Variants in SIDT1 observed in about 807,000 individuals in gnomAD.
The protein encoded by SIDT1 is SID1 transmembrane family member 1.
In SIDT1, 101 loss-of-function variants were observed where a neutral mutation model predicts 107.5. The ratio of observed to expected loss-of-function variants is 0.94; its 90% confidence interval spans 0.80 to 1.11. SIDT1 has a LOEUF of 1.11. Among genes scored for constraint, SIDT1 ranks in the 50% least tolerant of loss-of-function variants. The pLI, the probability that SIDT1 is intolerant of heterozygous loss-of-function variation, is 0.00. For missense variants in SIDT1, 1,076 were observed against 1,058.2 expected (o/e 1.02, Z -0.23); for synonymous variants, 395 against 398.2 (o/e 0.99, Z 0.10).
rs182439975 is a variant in SIDT1 at position 113,535,473 on chromosome 3, A to T, written c.222+2230A>T. ...AAAACAAATTTCTTTCATAAAACAAATTTGGTTTTTATAAAAACACATTTT... is the reference window on the plus strand; with the variant it reads ...AAAACAAATTTCTTTCATAAAACAATTTTGGTTTTTATAAAAACACATTTT... On this transcript the variant is annotated intron_variant, in intron 1 of 24. Transcript: ENST00000264852. Among the ~76,000 whole-genome samples the T allele has an allele frequency of 2.0e-4, 31 of 152,334 alleles. No individual in the cohort carries two copies. In the East Asian group the frequency reaches 5.2e-3, roughly 26 times the overall value.
chr3:113,567,199 A>G (rs1941999339), intron 2 of SIDT1, among the ~76,000 whole-genome samples: 1 of 152,232 alleles, frequency 6.6e-6, no homozygotes, highest in Admixed American at 6.5e-5. Context: ...GAAGAGATGA[A>G]AATGGAATCA....
chr3:113,553,900 C>A (rs886996135), intron 1 of SIDT1, among the ~76,000 whole-genome samples: 1 of 152,102 alleles, frequency 6.6e-6, no homozygotes, highest in African/African-American at 2.4e-5. Context: ...ACAAAAAATT[C>A]GCTGGGCGTA....
At chr3:113,612,882 A>C (rs1945849302) in intron 19 of SIDT1, among the ~76,000 whole-genome samples, 1 of 152,254 alleles carries the variant, frequency 6.6e-6, no homozygotes, top group Non-Finnish European at 1.5e-5. Context: ...ATATAAACAT[A>C]GGCAAACTTC....
At chr3:113,548,875 G>A in intron 1 of SIDT1, among the ~76,000 whole-genome samples, 1 of 152,070 alleles carries the variant, frequency 6.6e-6, no homozygotes, top group Admixed American at 6.6e-5. Flanking sequence ...ATTTCCTCAT[G>A]AGGATGTCCG....
chr3:113,564,619 G>A (rs1172847527), intron 1 of SIDT1, among the ~76,000 whole-genome samples: 3 of 152,176 alleles, frequency 2.0e-5, no homozygotes, highest in Non-Finnish European at 4.4e-5. Context: ...AAAGAAGCAG[G>A]AATCAAGGAT....
At chr3:113,551,345 C>A (rs1049342520) in intron 1 of SIDT1, among the ~76,000 whole-genome samples, 44 of 152,136 alleles carry the variant, frequency 2.9e-4, no homozygotes, top group African/African-American at 1.0e-3. Context: ...TTAAATCTCC[C>A]AATCTCTTCC....
Position 113,623,407 on chromosome 3 carries a change from C to T in SIDT1, c.2091-20C>T. On this transcript the variant is annotated intron_variant, in intron 21 of 24. Coordinates refer to ENST00000264852, the MANE Select transcript of SIDT1 (RefSeq NM_017699.3). ...ACAAATCCACCTTCACGGCTGCCCA[C>T]ATTTCTCCCACGCCTGCAGCGCCCT... is the stretch of plus-strand genomic sequence containing the variant. 6.4e-7 allele frequency: 1 copy of T among 1,560,652 alleles called. No homozygotes were observed. Among genetic ancestry groups the T allele is most frequent in the South Asian group, 1.1e-5 (1 of 90,088 alleles).
chr3:113,557,444 T>C (rs1479274098), intron 1 of SIDT1, among the ~76,000 whole-genome samples: 1 of 151,976 alleles, frequency 6.6e-6, no homozygotes, highest in Non-Finnish European at 1.5e-5. Flanking sequence ...AGGGCCCCAA[T>C]CCAATGACTG....
At chr3:113,621,184 G>C (rs562559465) in intron 21 of SIDT1, among the ~76,000 whole-genome samples, 62 of 152,320 alleles carry the variant, frequency 4.1e-4, no homozygotes, top group African/African-American at 1.4e-3. Flanking sequence ...GAGAGAAAAT[G>C]ACAAAGCAAA....
At position 113,619,671 on chromosome 3, in the gene SIDT1, C is replaced by G. The variant is rs1946327108; in HGVS notation, c.2044-9C>G. 1 of 1,613,718 alleles carries G rather than the reference C, an allele frequency of 6.2e-7. No individual in the cohort carries two copies. Among genetic ancestry groups the G allele is most frequent in the East Asian group, 2.2e-5 (1 of 44,864 alleles). On this transcript the variant is annotated splice_polypyrimidine_tract_variant and intron_variant, in intron 20 of 24. Coordinates refer to ENST00000264852, the MANE Select transcript of SIDT1 (RefSeq NM_017699.3). ...CCTCTCATTTGATGTTTTCTTTCCT[C>G]TTTTCCAGGATAGAATGGTGTTGCT...
At chr3:113,563,425 T>G (rs1342905267) in intron 1 of SIDT1, among the ~76,000 whole-genome samples, 1 of 152,212 alleles carries the variant, frequency 6.6e-6, no homozygotes, top group Non-Finnish European at 1.5e-5. Flanking sequence ...GGTGAAAACT[T>G]CCTTGACTAT....
At chr3:113,629,876 G>A (rs956062239), downstream of SIDT1, among the ~76,000 whole-genome samples, 3 of 152,200 alleles carry the variant, frequency 2.0e-5, no homozygotes, top group Admixed American at 6.5e-5. Flanking sequence ...CAACAGTACC[G>A]AAAATCCAGA....
intron 16 of SIDT1, 31 bp downstream of exon 16, chr3:113,608,248 G>C: frequency 1.9e-6 from 3 of 1,563,218 alleles, no homozygotes; most frequent in South Asian, 1.2e-5. Context: ...AGCTAGGAAG[G>C]GTTATGGATC....
chr3:113,608,256 A>G, intron 16 of SIDT1, 39 bp downstream of exon 16: 2 of 1,560,066 alleles, frequency 1.3e-6, no homozygotes, highest in Non-Finnish European at 1.7e-6. Flanking sequence ...AGGGTTATGG[A>G]TCCAAACAGG....
At chr3:113,601,463 G>A in intron 10 of SIDT1, 125 bp from the exon 11 acceptor site, 1 of 664,878 alleles carries the variant, frequency 1.5e-6, no homozygotes, top group South Asian at 1.9e-5. Context: ...GGTGACTCCT[G>A]TATTAGTGTA....
In SIDT1 at chr3:113,623,434, T is replaced by G; in HGVS notation, c.2098T>G (p.Phe700Val). ...GNLVNWSFAL[F>V]GLIYRPRDFA... is the part of the protein sequence containing the mutation. ...TTTCTCCCACGCCTGCAGCGCCCTCTTTGGATTGATATACCGCCCCAGGGA... is the reference window on the plus strand; with the variant it reads ...TTTCTCCCACGCCTGCAGCGCCCTCGTTGGATTGATATACCGCCCCAGGGA... Residue 700 changes from phenylalanine to valine, a missense_variant, in exon 22 of 25, where the codon TTT becomes GTT. Physicochemically the swap from Phe to Val is conservative, Grantham distance 50. Coordinates refer to ENST00000264852, the MANE Select transcript of SIDT1 (RefSeq NM_017699.3). The G allele has an allele frequency of 6.2e-7, 1 of 1,613,128 alleles. No individual in the cohort carries two copies. The highest frequency in any genetic ancestry group is 1.1e-5 in the South Asian group (1 of 91,060).
chr3:113,594,334 T>G (rs1944390412), intron 10 of SIDT1, among the ~76,000 whole-genome samples: 1 of 152,206 alleles, frequency 6.6e-6, no homozygotes, highest in South Asian at 2.1e-4. Flanking sequence ...TAAATGCTCC[T>G]CTCCCTTTTA....
intron 13 of SIDT1, 23 bp downstream of exon 13, chr3:113,604,056 C>A (rs761857852): frequency 2.4e-5 from 35 of 1,487,674 alleles, no homozygotes; most frequent in Non-Finnish European, 3.0e-5. Context: ...CCAGTAGGAC[C>A]ATGGTTCCCT....
intron 1 of SIDT1, among the ~76,000 whole-genome samples, chr3:113,553,991 G>A (rs1386238799): frequency 6.6e-6 from 1 of 152,154 alleles, no homozygotes; most frequent in East Asian, 1.9e-4. Flanking sequence ...AGGTTGTAGT[G>A]AGCTGAGATC....
Sources: gnomAD v4.1 joint callset for allele counts (sites outside exome capture counted in the v4.1 genomes callset) on GRCh38, gnomAD v4.1.1 for gene constraint, MANE v1.5 for transcripts, NCBI Gene and HGNC (gene_info 2026-07-23, HGNC 2026-07-21) for gene names.